BRWD1: variants seen among roughly 807,000 people sequenced by gnomAD.
The protein encoded by BRWD1 is bromodomain and WD repeat domain containing 1, also known as bromodomain and WD repeat-containing protein 1.
In BRWD1, 82 loss-of-function variants were observed where a neutral mutation model predicts 251.2. The observed-to-expected ratio is 0.33, with a 90% confidence interval of 0.27 to 0.39. The LOEUF (loss-of-function observed/expected upper bound fraction) is 0.39, where lower values mean the gene tolerates loss of function less well. Among genes scored for constraint, BRWD1 ranks in the 10% least tolerant of loss-of-function variants. The probability of loss-of-function intolerance (pLI) is 1.00; values close to 1 mark genes in which losing one functional copy is unlikely to be tolerated. For missense variants in BRWD1, 2,233 were observed against 2,711.6 expected (o/e 0.82, Z 3.92); for synonymous variants, 918 against 902.8 (o/e 1.02, Z -0.30).
At chr21:39,200,576 A>G in intron 38 of BRWD1, 190 bp from the exon 39 acceptor site, 1 of 416,262 alleles carries the variant, frequency 2.4e-6, no homozygotes, top group Non-Finnish European at 4.2e-6. Flanking sequence ...TAAAAGGTAC[A>G]TAATCAGCAT....
Position 39,195,963 on chromosome 21 carries a change from T to C in BRWD1, c.*296A>G, listed in dbSNP as rs1178736636. 2.8e-6 allele frequency: 3 copies of C among 1,057,408 alleles called. No homozygotes were observed. The highest frequency in any genetic ancestry group is 1.7e-5 in the African/African-American group (1 of 59,582). The allele number at this position is 1,057,408 out of a possible 1,614,324, so 65.5% of individuals were successfully genotyped here. ...TGAAAGTAATGCTCATTGGTTTTGA[T>C]AACCAGGATGTCTAGTGTTTAACAT... On this transcript the variant is annotated 3_prime_UTR_variant, in exon 41 of 41. Coordinates refer to ENST00000342449, the MANE Select transcript of BRWD1 (RefSeq NM_033656.4).
At chr21:39,241,473 TAAAAAAAAAAAAAAAAAAAAAAAA>T (rs61488970) in intron 21 of BRWD1, among the ~76,000 whole-genome samples, 92 of 44,916 alleles carry the variant, frequency 2.0e-3, no homozygotes, top group South Asian at 8.5e-3. Flanking sequence ...ATCTCCAAAG[TAAAAAAAAAAAAAAAAAAAAAAAA>T]AAAAAAAAAA....
Position 39,194,021 on chromosome 21 carries a change from G to C in BRWD1, c.*2238C>G. On this transcript the variant is annotated 3_prime_UTR_variant, in exon 41 of 41. Coordinates refer to ENST00000342449, the MANE Select transcript of BRWD1 (RefSeq NM_033656.4). ...GTCGGCTATGCTTTTAAAGACATCA[G>C]GTCCATTCTTGCTGCTTCTGATGAA... The C allele has an allele frequency of 1.0e-6, 1 of 985,412 alleles. No homozygotes were observed. The highest frequency in any genetic ancestry group is 1.2e-6 in the Non-Finnish European group (1 of 829,706). 61.0% of individuals were successfully genotyped at this position (985,412 alleles called of 1,614,324 possible). A position where few individuals can be genotyped will look rare whatever the true frequency, so the allele number is the denominator to read the frequency against.
intron 31 of BRWD1, 78 bp from the exon 32 acceptor site, chr21:39,215,440 T>A: frequency 8.2e-7 from 1 of 1,223,002 alleles, no homozygotes; most frequent in Non-Finnish European, 1.2e-6. Context: ...GCATGTGAAT[T>A]AAACAACTGT....
chr21:39,288,353 T>C (rs768790030), intron 8 of BRWD1, among the ~76,000 whole-genome samples: 6 of 152,238 alleles, frequency 3.9e-5, no homozygotes, highest in Non-Finnish European at 8.8e-5. Flanking sequence ...GCAAGGAGAC[T>C]ACAGTGGCCT....
intron 13 of BRWD1, among the ~76,000 whole-genome samples, chr21:39,272,166 G>A (rs1262366252): frequency 6.6e-6 from 1 of 151,770 alleles, no homozygotes; most frequent in Non-Finnish European, 1.5e-5. Context: ...CGGGCGCGGT[G>A]GCTCACGCCT....
intron 38 of BRWD1, among the ~76,000 whole-genome samples, chr21:39,201,997 G>A (rs536790936): frequency 1.3e-5 from 2 of 152,254 alleles, no homozygotes; most frequent in African/African-American, 4.8e-5. Context: ...AATTTACTAC[G>A]TCATCAGCTT....
intron 17 of BRWD1, among the ~76,000 whole-genome samples, chr21:39,259,688 T>C (rs2034677470): frequency 6.6e-6 from 1 of 151,840 alleles, no homozygotes; most frequent in African/African-American, 2.4e-5. Context: ...CAAAAAAAAA[T>C]TAGCCGGGCC....
rs1363349327 is a variant in BRWD1 at position 39,194,239 on chromosome 21, G to C, written c.*2020C>G. On this transcript the variant is annotated 3_prime_UTR_variant, in exon 41 of 41. Coordinates refer to ENST00000342449, the MANE Select transcript of BRWD1 (RefSeq NM_033656.4). ...ATACCAAAAGAATGTATGTACTTAT[G>C]AATGTATTCCATATTTATTTATGGA... 1.4e-5 allele frequency: 14 copies of C among 985,596 alleles called. No individual in the cohort carries two copies. Among genetic ancestry groups the C allele is most frequent in the South Asian group, 4.6e-5 (1 of 21,778 alleles). 61.1% of individuals were successfully genotyped at this position (985,596 alleles called of 1,614,324 possible). A position where few individuals can be genotyped will look rare whatever the true frequency, so the allele number is the denominator to read the frequency against.
intron 27 of BRWD1, among the ~76,000 whole-genome samples, chr21:39,226,301 T>C (rs2033380129): frequency 6.6e-6 from 1 of 152,152 alleles, no homozygotes; most frequent in Admixed American, 6.6e-5. Context: ...AAAAATCCAC[T>C]GTAAAAATGA....
intron 29 of BRWD1, among the ~76,000 whole-genome samples, chr21:39,223,501 A>G (rs2033262516): frequency 6.6e-6 from 1 of 152,204 alleles, no homozygotes; most frequent in African/African-American, 2.4e-5. Flanking sequence ...AAGTTTCGCA[A>G]AAGGGAAATA....
intron 13 of BRWD1, among the ~76,000 whole-genome samples, chr21:39,272,419 C>T (rs1308193614): frequency 1.3e-5 from 2 of 150,222 alleles, no homozygotes; most frequent in East Asian, 2.0e-4. Context: ...CTCAGCTACT[C>T]GTGAGGCTGA....
chr21:39,206,128 A>C lies in BRWD1; in HGVS notation c.4344T>G (p.Ser1448Arg). 1 of 1,611,314 alleles carries C rather than the reference A, an allele frequency of 6.2e-7. No homozygotes were observed. Among genetic ancestry groups the C allele is most frequent in the Non-Finnish European group, 8.5e-7 (1 of 1,179,266 alleles). Residue 1448 changes from serine to arginine, a missense_variant, in exon 37 of 41, where the codon AGT (serine) becomes AGG (arginine). Coordinates refer to ENST00000342449, the MANE Select transcript of BRWD1 (RefSeq NM_033656.4). ...TTTACCTGATACTTTTGTTAGGCTG[A>C]CTGTCACCTTTACAATTTTGCCGTT... ...FKQRQNCKGD[S>R]QPNKSIRNLK... is the part of the protein sequence containing the mutation.
intron 6 of BRWD1, 109 bp downstream of exon 6, chr21:39,296,153 AAAC>A (rs1275814050): frequency 6.9e-6 from 6 of 864,294 alleles, no homozygotes; most frequent in Non-Finnish European, 1.0e-5. Flanking sequence ...ATTACTATTA[AAAC>A]AACATTTCAA....
intron 15 of BRWD1, among the ~76,000 whole-genome samples, chr21:39,267,589 A>T (rs946726994): frequency 1.3e-5 from 2 of 152,078 alleles, no homozygotes; most frequent in Non-Finnish European, 2.9e-5. Flanking sequence ...ACAGAGAGAG[A>T]CTCTGTCTCA....
intron 22 of BRWD1, among the ~76,000 whole-genome samples, chr21:39,237,656 T>A (rs574233612): frequency 3.3e-5 from 5 of 152,176 alleles, no homozygotes; most frequent in Middle Eastern, 3.4e-3. Context: ...GCCAGGGACA[T>A]GAGGAAGGGT....
chr21:39,247,570 T>C (rs1465873264), intron 21 of BRWD1, 131 bp downstream of exon 21: 2 of 980,708 alleles, frequency 2.0e-6, no homozygotes, highest in Non-Finnish European at 1.4e-6. Flanking sequence ...ACATTCAAAA[T>C]GTGAAATTTC....
chr21:39,257,067 T>TC (rs1168756533), intron 18 of BRWD1, among the ~76,000 whole-genome samples: 6 of 152,104 alleles, frequency 3.9e-5, no homozygotes, highest in African/African-American at 1.4e-4. Context: ...AGCATTATTC[T>TC]CCAACAATCT....
At chr21:39,208,285 AAC>A (rs1267130304) in intron 36 of BRWD1, among the ~76,000 whole-genome samples, 44 of 152,316 alleles carry the variant, frequency 2.9e-4, no homozygotes, top group East Asian at 5.8e-4. Context: ...GCTGAAAAAA[AAC>A]AGTCTTACAA....
Sources: allele counts gnomAD v4.1 joint callset (sites outside exome capture counted in the v4.1 genomes callset), GRCh38; gene constraint gnomAD v4.1.1; transcripts MANE v1.5; gene names NCBI Gene and HGNC (gene_info 2026-07-23, HGNC 2026-07-21).